ACTR5: variants seen among roughly 807,000 people sequenced by gnomAD.
The protein encoded by ACTR5 is actin related protein 5.
A neutral mutation model predicts 61.2 loss-of-function variants in ACTR5; 43 were observed. The observed-to-expected ratio is 0.70, with a 90% CI of 0.55 to 0.91. The LOEUF is 0.91. Ranked by LOEUF, ACTR5 falls within the 40% of genes least tolerant of loss-of-function variation. The probability of loss-of-function intolerance (pLI) is 0.00; values close to 1 mark genes in which losing one functional copy is unlikely to be tolerated. For synonymous variants in ACTR5, 333 were observed against 310.5 expected (o/e 1.07, Z -0.76); for missense variants, 798 against 782.2 (o/e 1.02, Z -0.24).
At chr20:38,760,152 TA>T (rs1158633072) in intron 5 of ACTR5, among the ~76,000 whole-genome samples, 398 of 129,958 alleles carry the variant, frequency 3.1e-3, no homozygotes, top group East Asian at 5.0e-3. Context: ...AGACCCTGTC[TA>T]AAAAAAAAAA....
chr20:38,765,596 G>T lies in ACTR5; in HGVS notation c.1293+78G>T. 3 of 1,210,336 alleles carry T rather than the reference G, an allele frequency of 2.5e-6. No individual in the cohort carries two copies. In the South Asian group the frequency reaches 3.9e-5, roughly 16 times the overall value. 75.0% of individuals were successfully genotyped at this position (1,210,336 alleles called of 1,614,324 possible). A position where few individuals can be genotyped will look rare whatever the true frequency, so the allele number is the denominator to read the frequency against. ...ATGGCTGGGCTAGTCTGTTTCTTTA[G>T]GACTTAAAACTGTTATGTTTTTTAG... On this transcript the variant is annotated intron_variant, in intron 6 of 8. Transcript: ENST00000243903.
At chr20:38,761,183 A>G (rs182226450) in intron 5 of ACTR5, among the ~76,000 whole-genome samples, 341 of 152,266 alleles carry the variant, frequency 2.2e-3, no homozygotes, top group African/African-American at 7.7e-3. Context: ...TGCCTTTCAA[A>G]GTGCAGGGAT....
Position 38,755,182 on chromosome 20 carries a change from C to T in ACTR5, c.993+8C>T. 6.3e-7 allele frequency: 1 copy of T among 1,590,006 alleles called. No individual in the cohort carries two copies. Among genetic ancestry groups the T allele is most frequent in the Non-Finnish European group, 8.6e-7 (1 of 1,167,920 alleles). ...CGACTGCTATATGTGCAGGTAATAG[C>T]AGACACAGGGACGGGCGCCCTTCCG... is the stretch of plus-strand genomic sequence containing the variant. On this transcript the variant is annotated splice_region_variant and intron_variant, in intron 4 of 8. Transcript: ENST00000243903.
intron 3 of ACTR5, 39 bp from the exon 4 acceptor site, chr20:38,754,918 T>C (rs1479668997): frequency 6.9e-6 from 11 of 1,600,340 alleles, no homozygotes; most frequent in Non-Finnish European, 9.4e-6. Flanking sequence ...GTGTTAATAG[T>C]GTTTCCATTT....
chr20:38,770,670 G>A (rs1002788533), intron 8 of ACTR5, among the ~76,000 whole-genome samples: 3 of 152,166 alleles, frequency 2.0e-5, no homozygotes, highest in Non-Finnish European at 4.4e-5. Context: ...TCTACCATGT[G>A]CCTTACACTC....
rs1302381816 is a variant in ACTR5, at chr20:38,765,488, T to A, written c.1263T>A (p.Pro421=). The A allele has an allele frequency of 6.2e-7, 1 of 1,614,172 alleles. No homozygotes were observed. Among genetic ancestry groups the A allele is most frequent in the Non-Finnish European group, 8.5e-7 (1 of 1,179,994 alleles). ...DFDPLFSEET[P]GVEKPVTTVQ... ...ATCCCTTGTTTTCAGAGGAAACACC[T>A]GGAGTGGAGAAGCCGGTCACCACTG... Residue 421 remains proline, a synonymous_variant, in exon 6 of 9, where the codon CCT becomes CCA. Transcript: ENST00000243903.
intron 5 of ACTR5, among the ~76,000 whole-genome samples, chr20:38,764,605 G>A (rs2244925): frequency 1.3e-5 from 2 of 151,994 alleles, no homozygotes; most frequent in Non-Finnish European, 2.9e-5. Flanking sequence ...GCCTCTAGTC[G>A]CATTCCCAGC....
chr20:38,762,302 A>G (rs1192165173), intron 5 of ACTR5, among the ~76,000 whole-genome samples: 2 of 152,218 alleles, frequency 1.3e-5, no homozygotes, highest in African/African-American at 4.8e-5. Flanking sequence ...ACTGGTTTCC[A>G]AGAGGGAGCT....
At position 38,752,261 on chromosome 20, in the gene ACTR5, C is replaced by G. The variant is rs757274647; in HGVS notation, c.736C>G (p.Leu246Val). Reference protein sequence around the residue: ...AITLSRMEEILHEHSYIAEDY... With the variant: ...AITLSRMEEIVHEHSYIAEDY... ...CACCCTCAGCCGCATGGAGGAGATT[C>G]TGCATGAGCACAGCTACATCGCTGA... Residue 246 changes from leucine (L) to valine (V), a missense_variant, in exon 3 of 9, where the codon CTG becomes GTG. Physicochemically the swap from Leu to Val is conservative, Grantham distance 32. Coordinates refer to ENST00000243903, the MANE Select transcript of ACTR5 (RefSeq NM_024855.4). 1 of 1,613,766 alleles carries G rather than the reference C, an allele frequency of 6.2e-7. No homozygotes were observed. Among genetic ancestry groups the G allele is most frequent in the Non-Finnish European group, 8.5e-7 (1 of 1,179,676 alleles).
Position 38,772,001 on chromosome 20 carries a change from A to T in ACTR5, c.*185A>T. The T allele has an allele frequency of 1.2e-6, 1 of 814,392 alleles. No homozygotes were observed. Among genetic ancestry groups the T allele is most frequent in the Non-Finnish European group, 1.9e-6 (1 of 535,826 alleles). 50.4% of individuals were successfully genotyped at this position (814,392 alleles called of 1,614,324 possible). On this transcript the variant is annotated 3_prime_UTR_variant, in exon 9 of 9. Coordinates refer to ENST00000243903, the MANE Select transcript of ACTR5 (RefSeq NM_024855.4). ...AGACCTGCCCTTCAGAATTCGGTTC[A>T]CTTGGGGGCTTCTGTGGTAGAGACT...
chr20:38,748,542 G>T lies in ACTR5; in HGVS notation c.64G>T (p.Gly22Cys). 1 of 1,510,116 alleles carries T rather than the reference G, an allele frequency of 6.6e-7. No individual in the cohort carries two copies. The allele number at this position is 1,510,116 out of a possible 1,614,324, so 93.5% of individuals were successfully genotyped here. A position where few individuals can be genotyped will look rare whatever the true frequency, so the allele number is the denominator to read the frequency against. Residue 22 changes from glycine (G) to cysteine (C), a missense_variant, in exon 1 of 9, where the codon GGC becomes TGC. Gly to Cys is a radical substitution (Grantham distance 159). Transcript: ENST00000243903. ...CGCACCGGACCCAGTGCTGGAGGCC[G>T]GCCCGGTGGCACACGGGCCACTGCC... is the stretch of plus-strand genomic sequence containing the variant. The part of the protein sequence containing the change: ...RAAPDPVLEA[G>C]PVAHGPLPVP...
chr20:38,766,527 A>T, intron 7 of ACTR5, 150 bp downstream of exon 7: 1 of 1,070,234 alleles, frequency 9.3e-7, no homozygotes, highest in Non-Finnish European at 1.3e-6. Context: ...TATTCCCTTC[A>T]TCTCTTATCA....
At chr20:38,749,133 G>A (rs2084371134) in intron 1 of ACTR5, among the ~76,000 whole-genome samples, 1 of 152,224 alleles carries the variant, frequency 6.6e-6, no homozygotes, top group South Asian at 2.1e-4. Flanking sequence ...TTAGGCATTT[G>A]GAGTACATGT....
At chr20:38,768,198 G>A (rs1212293960) in intron 8 of ACTR5, among the ~76,000 whole-genome samples, 1 of 152,182 alleles carries the variant, frequency 6.6e-6, no homozygotes, top group Admixed American at 6.5e-5. Context: ...AGCTTTGGCT[G>A]TCTCAGTGGT....
chr20:38,771,092 GAA>G (rs965173056), intron 8 of ACTR5, among the ~76,000 whole-genome samples: 1 of 152,236 alleles, frequency 6.6e-6, no homozygotes, highest in Non-Finnish European at 1.5e-5. Context: ...GCCTCACAGA[GAA>G]CGCCCAGGTC....
At chr20:38,768,029 G>A (rs778396034) in intron 8 of ACTR5, among the ~76,000 whole-genome samples, 2 of 152,158 alleles carry the variant, frequency 1.3e-5, no homozygotes, top group African/African-American at 2.4e-5. Context: ...GGTGGGTAAC[G>A]TAGAGAGGTC....
At chr20:38,751,886 T>A (rs2145663996) in intron 2 of ACTR5, among the ~76,000 whole-genome samples, 1 of 152,292 alleles carries the variant, frequency 6.6e-6, no homozygotes, top group South Asian at 2.1e-4. Flanking sequence ...CGAGACTCAT[T>A]AAGATCTGAC....
In ACTR5 at chr20:38,752,127, A is replaced by G. The variant is rs2084390939; in HGVS notation, c.606-4A>G. Reference sequence around the variant, plus strand: ...CAGTGCTGTTTTCTACTGCTTGGTTATAGATTAGATGCTAAAAACTGCAAG... The same window carrying G: ...CAGTGCTGTTTTCTACTGCTTGGTTGTAGATTAGATGCTAAAAACTGCAAG... On this transcript the variant is annotated splice_region_variant and splice_polypyrimidine_tract_variant and intron_variant, in intron 2 of 8. Coordinates refer to ENST00000243903, the MANE Select transcript of ACTR5 (RefSeq NM_024855.4). 2 of 1,612,324 alleles carry G rather than the reference A, an allele frequency of 1.2e-6. No individual in the cohort carries two copies. Among genetic ancestry groups the G allele is most frequent in the South Asian group, 2.2e-5 (2 of 90,986 alleles).
rs2084523395 is a variant in ACTR5 at position 38,772,094 on chromosome 20, G to A, written c.*278G>A. The A allele has an allele frequency of 6.4e-6, 3 of 470,752 alleles. No individual in the cohort carries two copies. In the South Asian group the frequency reaches 9.1e-5, roughly 14 times the overall value. The allele number at this position is 470,752 out of a possible 1,614,324, so 29.2% of individuals were successfully genotyped here. A position where few individuals can be genotyped will look rare whatever the true frequency, so the allele number is the denominator to read the frequency against. On this transcript the variant is annotated 3_prime_UTR_variant, in exon 9 of 9. Coordinates refer to ENST00000243903, the MANE Select transcript of ACTR5 (RefSeq NM_024855.4). ...GCATCAGCTTCCTGGAGCAGTAAAT[G>A]AAGACAGAGTGGAGGACACAAATGT...
Sources: gnomAD v4.1 joint callset for allele counts (sites outside exome capture counted in the v4.1 genomes callset) on GRCh38, gnomAD v4.1.1 for gene constraint, MANE v1.5 for transcripts, NCBI Gene and HGNC (gene_info 2026-07-23, HGNC 2026-07-21) for gene names.